Variants in CCDC159 observed in about 807,000 individuals in gnomAD.
CCDC159 encodes coiled-coil domain-containing protein 159.
In CCDC159, 40 loss-of-function variants were observed where a neutral mutation model predicts 50.9. That is an observed-to-expected ratio of 0.79 (90% CI 0.61 to 1.02). The LOEUF (loss-of-function observed/expected upper bound fraction) is 1.02, where lower values mean the gene tolerates loss of function less well. Ranked by LOEUF, CCDC159 falls within the 50% of genes least tolerant of loss-of-function variation. The pLI, the probability that CCDC159 is intolerant of heterozygous loss-of-function variation, is 0.00. For synonymous variants in CCDC159, 146 were observed against 138.9 expected, an observed-to-expected ratio of 1.05 and a Z score of -0.36; for missense variants, 356 against 371.5, an observed-to-expected ratio of 0.96 and a Z score of 0.34.
At position 11,353,855 on chromosome 19, in the gene CCDC159, C is replaced by G; in HGVS notation, c.753C>G (p.Pro251=). The G allele has an allele frequency of 1.3e-6, 2 of 1,585,156 alleles. No individual in the cohort carries two copies. The highest frequency in any genetic ancestry group is 1.7e-6 in the Non-Finnish European group (2 of 1,165,966). ...TCACTTTGTGCTCGGGGGCCTGTCC[C>G]AAGGCCTCGAGCCTAAGAGGTGAGG... ...DSLTLCSGAC[P]KASSLRGHKG... Residue 251 remains proline (P), a synonymous_variant, in exon 9 of 11, where the codon CCC becomes CCG. Transcript: ENST00000458408.
At chr19:11,349,266 G>C in intron 1 of CCDC159, 1 of 993,210 alleles carries the variant, frequency 1.0e-6, no homozygotes, top group Non-Finnish European at 1.4e-6. Flanking sequence ...GCTTAGGGAA[G>C]GGGCTGTAAG....
intron 1 of CCDC159, chr19:11,349,115 G>A: frequency 1.5e-6 from 2 of 1,350,504 alleles, no homozygotes; most frequent in Non-Finnish European, 9.8e-7. Flanking sequence ...ACATGAGGCT[G>A]CCCCCTCCCC....
At position 11,352,078 on chromosome 19, in the gene CCDC159, C is replaced by T; in HGVS notation, c.512C>T (p.Ser171Leu). Residue 171 changes from serine to leucine, a missense_variant, in exon 7 of 11, where the codon TCA (serine) becomes TTA (leucine). Transcript: ENST00000458408. ...ACAGAAGCGCAGGAGGATGAGATCT[C>T]AGAGAACTTGGTGAACATTCAGAAA... ...QKLQAQEDEI[S>L]ENLVNIQKMQ... is the part of the protein sequence containing the mutation. 1 of 1,613,718 alleles carries T rather than the reference C, an allele frequency of 6.2e-7. No homozygotes were observed. Among genetic ancestry groups the T allele is most frequent in the Non-Finnish European group, 8.5e-7 (1 of 1,179,792 alleles).
intron 9 of CCDC159, 74 bp downstream of exon 9, chr19:11,353,948 C>A: frequency 7.9e-7 from 1 of 1,262,824 alleles, no homozygotes; most frequent in Non-Finnish European, 1.1e-6. Context: ...GTTCAGAGAG[C>A]CTATTTGGGA....
intron 2 of CCDC159, 65 bp from the exon 3 acceptor site, chr19:11,349,872 TC>T: frequency 6.7e-7 from 1 of 1,488,982 alleles, no homozygotes; most frequent in Non-Finnish European, 9.3e-7. Context: ...TTTGCTGACC[TC>T]TGCCCTGCCC....
At chr19:11,350,061 G>C in intron 3 of CCDC159, 35 bp downstream of exon 3, 1 of 1,612,108 alleles carries the variant, frequency 6.2e-7, no homozygotes, top group Non-Finnish European at 8.5e-7. Context: ...AGCAACCTCT[G>C]TTTCTCCTTG....
At position 11,354,927 on chromosome 19, in the gene CCDC159, A is replaced by G. The variant is rs774172221; in HGVS notation, c.*50A>G. On this transcript the variant is annotated 3_prime_UTR_variant, in exon 11 of 11. Coordinates refer to ENST00000458408, the MANE Select transcript of CCDC159 (RefSeq NM_001080503.3). ...GACCCCTCCAGAGAGAAAATAAACT[A>G]GCCCAGACCCTCCTCTAGCCCCGAC... is the stretch of plus-strand genomic sequence containing the variant. The G allele has an allele frequency of 4.3e-5, 69 of 1,588,872 alleles. No homozygotes were observed. The highest frequency in any genetic ancestry group is 1.3e-4 in the Admixed American group (8 of 59,940).
At chr19:11,347,068 A>G (rs902643695) in intron 1 of CCDC159, among the ~76,000 whole-genome samples, 1 of 151,988 alleles carries the variant, frequency 6.6e-6, no homozygotes, top group African/African-American at 2.4e-5. Context: ...TAGGATTTGA[A>G]CCCAGGCCAT....
At position 11,346,523 on chromosome 19, in the gene CCDC159, C is replaced by CA; in HGVS notation, c.-83dup. 6.7e-7 allele frequency: 1 copy of CA among 1,489,930 alleles called. No homozygotes were observed. The highest frequency in any genetic ancestry group is 1.2e-5 in the South Asian group (1 of 82,546). 92.3% of individuals were successfully genotyped at this position (1,489,930 alleles called of 1,614,324 possible). A position where few individuals can be genotyped will look rare whatever the true frequency, so the allele number is the denominator to read the frequency against. On this transcript the variant is annotated 5_prime_UTR_variant, in exon 1 of 11. Coordinates refer to ENST00000458408, the MANE Select transcript of CCDC159 (RefSeq NM_001080503.3). ...GCCGGCCACACCCCTCTCTGTGACT[C>CA]AGTCTCTGAGCGTTTTAATACGATG...
At chr19:11,350,057 C>G (rs1204735081) in intron 3 of CCDC159, 31 bp downstream of exon 3, 1 of 1,612,322 alleles carries the variant, frequency 6.2e-7, no homozygotes, top group Admixed American at 1.7e-5. Context: ...CCCCAGCAAC[C>G]TCTGTTTCTC....
At position 11,350,019 on chromosome 19, in the gene CCDC159, A is replaced by G; in HGVS notation, c.137A>G (p.Gln46Arg). 1 of 1,613,750 alleles carries G rather than the reference A, an allele frequency of 6.2e-7. No individual in the cohort carries two copies. Among genetic ancestry groups the G allele is most frequent in the Non-Finnish European group, 8.5e-7 (1 of 1,179,792 alleles). ...LESLKSQLQA[Q>R]TKAFEFLNHS... is the part of the protein sequence containing the mutation. Reference sequence around the variant, plus strand: ...TCACTCAAGAGCCAGTTACAGGCCCAGACCAAGGTGAACCACCTTGGCCCT... The same window carrying G: ...TCACTCAAGAGCCAGTTACAGGCCCGGACCAAGGTGAACCACCTTGGCCCT... The change falls in exon 3 of 11, where the codon CAG (glutamine) becomes CGG (arginine). Residue 46 changes from glutamine to arginine, a missense_variant. By Grantham distance (43) the Gln-to-Arg change is conservative. Coordinates refer to ENST00000458408, the MANE Select transcript of CCDC159 (RefSeq NM_001080503.3).
At chr19:11,351,534 C>G (rs539768967) in intron 5 of CCDC159, 60 of 211,072 alleles carry the variant, frequency 2.8e-4, no homozygotes, top group African/African-American at 1.4e-3. Flanking sequence ...AACTGAGAGG[C>G]CAGAAGGCAG....
intron 7 of CCDC159, 120 bp downstream of exon 7, chr19:11,352,253 G>A (rs759531622): frequency 4.1e-6 from 4 of 966,902 alleles, no homozygotes; most frequent in South Asian, 1.4e-5. Flanking sequence ...ACTCACTGCT[G>A]TGTGACTGTG....
At chr19:11,352,368 C>A in intron 7 of CCDC159, 3 of 508,646 alleles carry the variant, frequency 5.9e-6, no homozygotes, top group South Asian at 2.1e-5. Flanking sequence ...GTAATCCCAG[C>A]ACTTTGGGAG....
chr19:11,350,560 G>C (rs1470802547), intron 4 of CCDC159, among the ~76,000 whole-genome samples: 1 of 152,188 alleles, frequency 6.6e-6, no homozygotes, highest in African/African-American at 2.4e-5. Context: ...GGCTGAGAAA[G>C]GAGAATTGCT....
At position 11,354,613 on chromosome 19, in the gene CCDC159, T is replaced by TC; in HGVS notation, c.810dup (p.Ser271LeufsTer5). 1 of 1,599,760 alleles carries TC rather than the reference T, an allele frequency of 6.3e-7. No individual in the cohort carries two copies. Among genetic ancestry groups the TC allele is most frequent in the Non-Finnish European group, 8.5e-7 (1 of 1,173,052 alleles). On this transcript the variant is annotated frameshift_variant, in exon 10 of 11. Transcript: ENST00000458408. LOFTEE classifies it high-confidence loss of function. ...GGGCACCAGTGCCTGAGCCCTCCAC[T>TC]CCCCTCCTGGGACTCTGACTCCGAC...
chr19:11,347,600 G>A (rs1007507707), intron 1 of CCDC159, among the ~76,000 whole-genome samples: 1 of 152,230 alleles, frequency 6.6e-6, no homozygotes, highest in Non-Finnish European at 1.5e-5. Context: ...AAAGTGCTAG[G>A]ATTACAGGTG....
chr19:11,347,872 G>A lies in CCDC159; in HGVS notation c.21+1245G>A, dbSNP rs1967346035. On this transcript the variant is annotated intron_variant, in intron 1 of 10. Coordinates refer to ENST00000458408, the MANE Select transcript of CCDC159 (RefSeq NM_001080503.3). ...TGAATGTGAGACCCAGAGCTCAGCTGTTTCCTGTTTCCAGCCTCTTCTAGC... is the reference window on the plus strand; with the variant it reads ...TGAATGTGAGACCCAGAGCTCAGCTATTTCCTGTTTCCAGCCTCTTCTAGC... Among the ~76,000 whole-genome samples the A allele has an allele frequency of 2.6e-5, 4 of 152,340 alleles. No homozygotes were observed. In the South Asian group the frequency reaches 8.3e-4, roughly 32 times the overall value.
chr19:11,349,169 T>C, intron 1 of CCDC159: 7 of 1,347,182 alleles, frequency 5.2e-6, no homozygotes, highest in Non-Finnish European at 6.9e-6. Context: ...CCAGGACATT[T>C]TGAAGAGGCA....
Sources: allele counts gnomAD v4.1 joint callset (sites outside exome capture counted in the v4.1 genomes callset), GRCh38; gene constraint gnomAD v4.1.1; transcripts MANE v1.5; gene names NCBI Gene and HGNC (gene_info 2026-07-23, HGNC 2026-07-21).